The following ESRRG variants were observed in gnomAD, a reference collection of about 807,000 sequenced individuals.
ESRRG encodes estrogen related receptor gamma.
ESRRG carries 13 observed loss-of-function variants against 44.0 expected under a neutral mutation model. That is an observed-to-expected ratio of 0.30 (90% confidence interval 0.19 to 0.47). The LOEUF (loss-of-function observed/expected upper bound fraction) is 0.47, where lower values mean the gene tolerates loss of function less well. ESRRG is among the 20% of genes least tolerant of loss of function. ESRRG has a pLI of 1.00. For synonymous variants in ESRRG, 215 were observed against 214.6 expected, an observed-to-expected ratio of 1.00 and a Z score of -0.02; for missense variants, 395 against 580.6, an observed-to-expected ratio of 0.68 and a Z score of 3.29.
intron 1 of ESRRG, among the ~76,000 whole-genome samples, chr1:216,677,960 T>C (rs1159787904): frequency 1.3e-5 from 2 of 152,252 alleles, no homozygotes; most frequent in Non-Finnish European, 2.9e-5. Flanking sequence ...CTCATTCTGA[T>C]GCTGCAATCA....
intron 2 of ESRRG, among the ~76,000 whole-genome samples, chr1:216,728,482 T>G (rs2088013132): frequency 6.6e-6 from 1 of 151,208 alleles, no homozygotes; most frequent in South Asian, 2.1e-4. Flanking sequence ...AAATAAAGGG[T>G]AGCTTAACTC....
intron 2 of ESRRG, chr1:216,936,656 A>G (rs1166832066): frequency 6.6e-6 from 1 of 152,046 alleles, no homozygotes. Flanking sequence ...TTTTACTTCT[A>G]CTTACTTTGA....
At chr1:217,051,943 T>G (rs142812190) in intron 1 of ESRRG, among the ~76,000 whole-genome samples, 89 of 152,046 alleles carry the variant, frequency 5.9e-4, no homozygotes, top group African/African-American at 2.0e-3. Context: ...ATTTATTTAT[T>G]TATTTATTTT....
Position 216,674,008 on chromosome 1 carries a change from C to T in ESRRG, c.472+3068G>A, listed in dbSNP as rs545082696. Among the ~76,000 whole-genome samples the T allele has an allele frequency of 2.6e-5, 4 of 152,334 alleles. No homozygotes were observed. In the South Asian group the frequency reaches 8.3e-4, roughly 32 times the overall value. On this transcript the variant is annotated intron_variant, in intron 2 of 6. Coordinates refer to ENST00000408911, the MANE Select transcript of ESRRG (RefSeq NM_001438.4). ...AACCTCTTGCTTATATCAGCGCACT[C>T]AGTGCTCATGAATTTATCCCAAAAT...
At chr1:216,984,249 T>C (rs2074497946) in intron 1 of ESRRG, among the ~76,000 whole-genome samples, 1 of 152,154 alleles carries the variant, frequency 6.6e-6, no homozygotes, top group Non-Finnish European at 1.5e-5. Context: ...AACTGAGAAC[T>C]CAAAATAAAT....
At chr1:216,939,235 G>C (rs2064707142) in intron 2 of ESRRG, among the ~76,000 whole-genome samples, 1 of 148,838 alleles carries the variant, frequency 6.7e-6, no homozygotes, top group Non-Finnish European at 1.5e-5. Context: ...TTACTGGTCA[G>C]TATAGTGAAT....
At chr1:216,977,168 T>A (rs966471680) in intron 1 of ESRRG, among the ~76,000 whole-genome samples, 43 of 152,204 alleles carry the variant, frequency 2.8e-4, no homozygotes, top group African/African-American at 1.0e-3. Flanking sequence ...GGCTTAAAAA[T>A]TTTTTTAGCA....
At chr1:216,959,465 G>A (rs1214367152) in intron 1 of ESRRG, 1 of 152,066 alleles carries the variant, frequency 6.6e-6, no homozygotes, top group African/African-American at 2.4e-5. Flanking sequence ...GCCAAGTCAG[G>A]AAGATCACTT....
At chr1:216,846,549 G>A (rs1023755641) in intron 2 of ESRRG, among the ~76,000 whole-genome samples, 20 of 152,230 alleles carry the variant, frequency 1.3e-4, no homozygotes, top group South Asian at 6.2e-4. Flanking sequence ...AACAGGCACC[G>A]GACAGAATTT....
chr1:217,069,958 G>C lies in ESRRG; in HGVS notation c.-106+19549C>G, dbSNP rs1000219404. Reference sequence around the variant, plus strand: ...GCAATAGCAAAACCTACAAAAAATGGTCACCTATTTCCATTTCCCAGGAAG... The same window carrying C: ...GCAATAGCAAAACCTACAAAAAATGCTCACCTATTTCCATTTCCCAGGAAG... On this transcript the variant is annotated intron_variant, in intron 1 of 7. Transcript: ENST00000359162. 3.3e-5 allele frequency among the ~76,000 whole-genome samples: 5 copies of C among 152,124 alleles called. No homozygotes were observed. The East Asian group carries it at 7.7e-4, about 23-fold the overall frequency.
intron 1 of ESRRG, among the ~76,000 whole-genome samples, chr1:217,054,862 A>T (rs1170730421): frequency 6.6e-6 from 1 of 152,142 alleles, no homozygotes; most frequent in African/African-American, 2.4e-5. Flanking sequence ...GAAACAACAC[A>T]GGCCCTGTGA....
rs529306701 is a variant in ESRRG, at chr1:216,871,796, A to G, written c.-14+67786T>C. Among the ~76,000 whole-genome samples, 3 of 152,170 alleles carry G rather than the reference A, an allele frequency of 2.0e-5. No homozygotes were observed. In the South Asian group the frequency reaches 6.2e-4, roughly 32 times the overall value. Reference sequence around the variant, plus strand: ...TAGATCTGTATACATTGAAAACTCTATCATTCAATGTTAAATGTTTTGCTT... The same window carrying G: ...TAGATCTGTATACATTGAAAACTCTGTCATTCAATGTTAAATGTTTTGCTT... On this transcript the variant is annotated intron_variant, in intron 2 of 7. Coordinates refer to the ESRRG transcript ENST00000359162.
At chr1:216,764,412 G>A (rs2092962883) in intron 2 of ESRRG, among the ~76,000 whole-genome samples, 1 of 151,946 alleles carries the variant, frequency 6.6e-6, no homozygotes, top group South Asian at 2.1e-4. Context: ...GGGATTATAG[G>A]TGCACACCAC....
intron 1 of ESRRG, among the ~76,000 whole-genome samples, chr1:217,047,120 A>G (rs933827751): frequency 2.0e-5 from 3 of 152,114 alleles, no homozygotes; most frequent in Admixed American, 6.5e-5. Context: ...TGTGCCTACC[A>G]TGAAGTGGTT....
chr1:216,947,270 AC>A (rs1225739406), intron 1 of ESRRG, among the ~76,000 whole-genome samples: 5 of 152,100 alleles, frequency 3.3e-5, no homozygotes, highest in Non-Finnish European at 5.9e-5. Flanking sequence ...CCTGAGCATG[AC>A]CCAGGATTCA....
chr1:216,789,533 GA>G (rs760108355), intron 2 of ESRRG, among the ~76,000 whole-genome samples: 32 of 152,236 alleles, frequency 2.1e-4, no homozygotes, highest in Non-Finnish European at 3.7e-4. Context: ...ATCAGTAAAT[GA>G]AAAAATTGGT....
chr1:216,884,765 T>C (rs1345483297), intron 2 of ESRRG, among the ~76,000 whole-genome samples: 2 of 152,206 alleles, frequency 1.3e-5, no homozygotes, highest in African/African-American at 2.4e-5. Context: ...TCTGCTGTAA[T>C]TGCAGTGAGG....
At chr1:216,669,794 G>A (rs1370102346) in intron 2 of ESRRG, among the ~76,000 whole-genome samples, 1 of 152,010 alleles carries the variant, frequency 6.6e-6, no homozygotes, top group East Asian at 1.9e-4. Context: ...GCTGAGGCAG[G>A]AGAATCACTT....
In ESRRG at chr1:217,053,133, TAAA is replaced by T. The variant is rs71303007; in HGVS notation, c.-106+36371_-106+36373del. Among the ~76,000 whole-genome samples the T allele has an allele frequency of 9.1e-3, 1,085 of 119,032 alleles. 22 individuals carry two copies. The highest frequency in any genetic ancestry group is 0.032 in the African/African-American group (939 of 29,674). The allele number at this position is 119,032 out of a possible 152,430, so 78.1% of individuals were successfully genotyped here. A position where few individuals can be genotyped will look rare whatever the true frequency, so the allele number is the denominator to read the frequency against. On this transcript the variant is annotated intron_variant, in intron 1 of 7. Transcript: ENST00000359162. The stretch of plus-strand genomic sequence containing the variant: ...GAGGTAACATAGCAAAATCCCATCT[TAAA>T]AAAAAAAAAAAAAAAAACAGAAAGA...
Sources: allele counts gnomAD v4.1 joint callset (sites outside exome capture counted in the v4.1 genomes callset), GRCh38; gene constraint gnomAD v4.1.1; transcripts MANE v1.5; gene names NCBI Gene and HGNC (gene_info 2026-07-23, HGNC 2026-07-21).